The following PPP1R16B variants were observed in gnomAD, a reference collection of about 807,000 sequenced individuals.
The protein encoded by PPP1R16B is protein phosphatase 1 regulatory inhibitor subunit 16B.
A neutral mutation model predicts 61.7 loss-of-function variants in PPP1R16B; 14 were observed. The ratio of observed to expected loss-of-function variants is 0.23; its 90% CI spans 0.15 to 0.35. PPP1R16B has a LOEUF of 0.35. Among genes scored for constraint, PPP1R16B ranks in the 10% least tolerant of loss-of-function variants. The probability of loss-of-function intolerance (pLI) is 1.00; values close to 1 mark genes in which losing one functional copy is unlikely to be tolerated. For synonymous variants in PPP1R16B, 266 were observed against 305.3 expected (o/e 0.87, Z 1.34); for missense variants, 547 against 752.5 (o/e 0.73, Z 3.19).
chr20:38,864,080 C>G (rs1409747794), intron 2 of PPP1R16B, among the ~76,000 whole-genome samples: 1 of 152,192 alleles, frequency 6.6e-6, no homozygotes, highest in Non-Finnish European at 1.5e-5. Context: ...GTGAAAGAAG[C>G]CAGACACAAA....
intron 2 of PPP1R16B, among the ~76,000 whole-genome samples, chr20:38,876,473 A>G (rs540869800): frequency 6.6e-6 from 1 of 152,208 alleles, no homozygotes; most frequent in South Asian, 2.1e-4. Flanking sequence ...TTGGACACTG[A>G]TATGCCACTT....
chr20:38,816,783 T>C (rs1203317211), intron 1 of PPP1R16B, among the ~76,000 whole-genome samples: 1 of 151,664 alleles, frequency 6.6e-6, no homozygotes, highest in Non-Finnish European at 1.5e-5. Flanking sequence ...GCATGCAGAG[T>C]GGAAAAGGGA....
chr20:38,888,948 G>A (rs958913243), intron 2 of PPP1R16B, among the ~76,000 whole-genome samples: 1 of 150,006 alleles, frequency 6.7e-6, no homozygotes, highest in African/African-American at 2.5e-5. Flanking sequence ...AAATTCTAGG[G>A]ATTGGGGATG....
chr20:38,918,475 A>T lies in PPP1R16B; in HGVS notation c.1513A>T (p.Ser505Cys). 1 of 1,613,698 alleles carries T rather than the reference A, an allele frequency of 6.2e-7. No individual in the cohort carries two copies. Among genetic ancestry groups the T allele is most frequent in the Non-Finnish European group, 8.5e-7 (1 of 1,179,682 alleles). ...CTTCCTTAGCACACACCTGGGCAGC[A>T]GCATGGCCAGGACGGGCGAGAGTAG... Reference protein sequence around the residue: ...HPFLSTHLGSSMARTGESSSE... With the variant: ...HPFLSTHLGSCMARTGESSSE... The change falls in exon 11 of 11, where the codon AGC becomes TGC. Residue 505 changes from serine (S) to cysteine (C), a missense_variant. Ser to Cys is a moderately radical substitution (Grantham distance 112, BLOSUM62 -1). Transcript: ENST00000299824. This position sits in a 1 kb window ranked among gnomAD's most constrained non-coding sequence, Gnocchi z 5.3.
At chr20:38,900,789 G>C (rs995077661) in intron 5 of PPP1R16B, 105 bp downstream of exon 5, 1 of 780,490 alleles carries the variant, frequency 1.3e-6, no homozygotes, top group Non-Finnish European at 1.9e-6. Context: ...GGCCTGCCTC[G>C]TGCGCTGTGC....
chr20:38,882,730 G>A (rs1189687258), intron 2 of PPP1R16B, among the ~76,000 whole-genome samples: 1 of 152,216 alleles, frequency 6.6e-6, no homozygotes, highest in Non-Finnish European at 1.5e-5. Context: ...GTAGTGTGGA[G>A]AGAATAGATG....
intron 2 of PPP1R16B, among the ~76,000 whole-genome samples, chr20:38,888,490 G>A (rs2085263694): frequency 6.6e-6 from 1 of 152,202 alleles, no homozygotes; most frequent in Non-Finnish European, 1.5e-5. Flanking sequence ...GGCCCTGCAA[G>A]CAGGCTCGGA....
At chr20:38,815,751 T>G (rs1360585863) in intron 1 of PPP1R16B, among the ~76,000 whole-genome samples, 2 of 152,244 alleles carry the variant, frequency 1.3e-5, no homozygotes, top group Non-Finnish European at 2.9e-5. Context: ...TATGACCCTT[T>G]GGATTATGCC....
At chr20:38,877,963 T>C in intron 2 of PPP1R16B, among the ~76,000 whole-genome samples, 1 of 148,320 alleles carries the variant, frequency 6.7e-6, no homozygotes, top group East Asian at 2.0e-4. Flanking sequence ...TTTTTTTTTT[T>C]TTTTTTTTTT....
chr20:38,873,585 G>T (rs1382936541), intron 2 of PPP1R16B, among the ~76,000 whole-genome samples: 1 of 152,140 alleles, frequency 6.6e-6, no homozygotes, highest in East Asian at 1.9e-4. Flanking sequence ...TGGGTTAGGG[G>T]ATCTGATTCT....
At chr20:38,884,915 C>G (rs1256403696) in intron 2 of PPP1R16B, among the ~76,000 whole-genome samples, 1 of 149,320 alleles carries the variant, frequency 6.7e-6, no homozygotes, top group Non-Finnish European at 1.5e-5. Flanking sequence ...ACTAAAAATA[C>G]AAAAAATTAG....
At chr20:38,809,683 A>G (rs947736532) in intron 1 of PPP1R16B, among the ~76,000 whole-genome samples, 4 of 152,158 alleles carry the variant, frequency 2.6e-5, no homozygotes, top group African/African-American at 9.7e-5. Flanking sequence ...CACTGTGGAT[A>G]AAAAACCTAG....
intron 1 of PPP1R16B, among the ~76,000 whole-genome samples, chr20:38,834,019 A>T (rs1601243665): frequency 6.6e-6 from 1 of 151,714 alleles, no homozygotes; most frequent in South Asian, 2.1e-4. Flanking sequence ...ACAGATGTAG[A>T]CTCCTGCCAT....
intron 2 of PPP1R16B, among the ~76,000 whole-genome samples, chr20:38,888,513 G>C (rs537373628): frequency 6.6e-6 from 1 of 152,328 alleles, no homozygotes; most frequent in Non-Finnish European, 1.5e-5. Flanking sequence ...CATTTGGACA[G>C]GGACAGTAGA....
chr20:38,841,353 GAAAA>G (rs34203271), intron 2 of PPP1R16B, among the ~76,000 whole-genome samples: 2 of 42,584 alleles, frequency 4.7e-5, no homozygotes, highest in African/African-American at 8.0e-5. Flanking sequence ...TGTCTGTACT[GAAAA>G]AAAAAAAAAA....
intron 10 of PPP1R16B, among the ~76,000 whole-genome samples, chr20:38,908,973 G>A (rs993741300): frequency 6.8e-6 from 1 of 146,000 alleles, no homozygotes; most frequent in African/African-American, 2.8e-5. Context: ...TTCTTCGTGT[G>A]TGTGTGTCTG....
At chr20:38,831,983 C>A (rs1432795716) in intron 1 of PPP1R16B, among the ~76,000 whole-genome samples, 1 of 152,176 alleles carries the variant, frequency 6.6e-6, no homozygotes, top group African/African-American at 2.4e-5. Flanking sequence ...TGTGGTCAGC[C>A]ACTCTGTACA....
intron 1 of PPP1R16B, among the ~76,000 whole-genome samples, chr20:38,823,597 T>C (rs915153632): frequency 6.6e-6 from 1 of 151,126 alleles, no homozygotes; most frequent in Non-Finnish European, 1.5e-5. Flanking sequence ...GCCGAGATAG[T>C]GCCACTGCAC....
Position 38,906,024 on chromosome 20 carries a change from A to G in PPP1R16B, c.752A>G (p.His251Arg), listed in dbSNP as rs775797710. The G allele has an allele frequency of 3.1e-6, 5 of 1,613,716 alleles. No homozygotes were observed. In the South Asian group the frequency reaches 3.3e-5, roughly 11 times the overall value. Residue 251 changes from histidine (H) to arginine (R), a missense_variant, in exon 7 of 11, where the codon CAT (histidine) becomes CGT (arginine). By Grantham distance (29) the His-to-Arg change is conservative. Coordinates refer to ENST00000299824, the MANE Select transcript of PPP1R16B (RefSeq NM_015568.4). ...CGGGCAGCTGAGCTCCTCCTGGACC[A>G]TGGAGTGCGTGTGGATGTGAAGGAC... ...YLRAAELLLD[H>R]GVRVDVKDWD...
Sources: allele counts gnomAD v4.1 joint callset (sites outside exome capture counted in the v4.1 genomes callset), GRCh38; gene constraint gnomAD v4.1.1; non-coding constraint Gnocchi (gnomAD v3.1); transcripts MANE v1.5; gene names NCBI Gene and HGNC (gene_info 2026-07-23, HGNC 2026-07-21).